Variants in GC observed in about 807,000 individuals in gnomAD.
GC encodes the protein vitamin D-binding protein.
A neutral mutation model predicts 56.7 loss-of-function variants in GC; 43 were observed. The observed-to-expected ratio is 0.76, with a 90% CI of 0.59 to 0.98. The LOEUF is 0.98. Ranked by LOEUF, GC falls within the 50% of genes least tolerant of loss-of-function variation. The pLI is 0.00. For synonymous variants in GC, 216 were observed against 202.7 expected (o/e 1.07, Z -0.56); for missense variants, 529 against 545.9 (o/e 0.97, Z 0.31).
intron 6 of GC, among the ~76,000 whole-genome samples, chr4:71,762,795 C>T (rs1227481780): frequency 6.6e-6 from 1 of 152,182 alleles, no homozygotes; most frequent in Non-Finnish European, 1.5e-5. Flanking sequence ...TGACTTGCTC[C>T]TCCTTGCCTT....
chr4:71,748,870 A>G (rs139694802), intron 11 of GC, among the ~76,000 whole-genome samples: 3 of 152,264 alleles, frequency 2.0e-5, no homozygotes, highest in East Asian at 3.9e-4. Flanking sequence ...ATCCCTGGAT[A>G]TAAGTGACTT....
At chr4:71,786,438 A>G (rs113668100), upstream of GC, among the ~76,000 whole-genome samples, 26 of 151,954 alleles carry the variant, frequency 1.7e-4, 2 homozygotes, top group African/African-American at 6.3e-4. Flanking sequence ...CATTGTCTAT[A>G]ATAGCAGCAG....
rs189314296 is a variant in GC at position 71,802,749 on chromosome 4, C to T, written c.21+1177G>A. Among the ~76,000 whole-genome samples, 7 of 152,280 alleles carry T rather than the reference C, an allele frequency of 4.6e-5. No homozygotes were observed. In the East Asian group the frequency reaches 1.4e-3, roughly 29 times the overall value. ...TGATTGGATAGCTGTCAAATTGCTA[C>T]CTCATTCAGTGAAACAATCATCTGA... On this transcript the variant is annotated intron_variant, in intron 1 of 13. Transcript: ENST00000504199.
chr4:71,758,234 G>T, intron 6 of GC, 63 bp from the exon 7 acceptor site: 1 of 1,420,206 alleles, frequency 7.0e-7, no homozygotes, highest in Non-Finnish European at 9.8e-7. Context: ...GTTTCGTGAT[G>T]AACGCACTAT....
chr4:71,765,750 T>C, intron 3 of GC, 107 bp from the exon 4 acceptor site: 2 of 695,168 alleles, frequency 2.9e-6, no homozygotes, highest in East Asian at 5.4e-5. Flanking sequence ...TTCTCATTTA[T>C]AACTATGTAT....
intron 4 of GC, among the ~76,000 whole-genome samples, chr4:71,764,157 T>A (rs112122968): frequency 3.8e-4 from 58 of 152,228 alleles, no homozygotes; most frequent in African/African-American, 1.3e-3. Context: ...AATTTTTTAA[T>A]TTCTTGTATA....
rs1442052862 is a variant in GC at position 71,802,059 on chromosome 4, G to A, written c.21+1867C>T. Reference sequence around the variant, plus strand: ...GTTTGAAGTTATTGACTTTACTATAGCCTTTAAAACCCCATTATTTCTTGC... The same window carrying A: ...GTTTGAAGTTATTGACTTTACTATAACCTTTAAAACCCCATTATTTCTTGC... On this transcript the variant is annotated intron_variant, in intron 1 of 13. Transcript: ENST00000504199. Among the ~76,000 whole-genome samples the A allele has an allele frequency of 3.9e-5, 6 of 151,932 alleles. No homozygotes were observed. The East Asian group carries it at 1.2e-3, about 29-fold the overall frequency.
At chr4:71,753,445 C>T (rs1366487572) in intron 10 of GC, among the ~76,000 whole-genome samples, 4 of 142,942 alleles carry the variant, frequency 2.8e-5, no homozygotes, top group African/African-American at 8.0e-5. Context: ...TTTGAGCTGC[C>T]GGGGGGTGCA....
At chr4:71,781,748 AT>A (rs968829258) in intron 1 of GC, among the ~76,000 whole-genome samples, 4 of 151,768 alleles carry the variant, frequency 2.6e-5, no homozygotes, top group African/African-American at 4.8e-5. Context: ...AAAAGTGGAC[AT>A]TTTCTTATGG....
At chr4:71,742,624 C>T (rs1426440220) in intron 12 of GC, among the ~76,000 whole-genome samples, 1 of 152,158 alleles carries the variant, frequency 6.6e-6, no homozygotes, top group Non-Finnish European at 1.5e-5. Flanking sequence ...CCCAGAGGGA[C>T]TACTACTTGC....
intron 8 of GC, 53 bp from the exon 9 acceptor site, chr4:71,755,160 T>TTATTTATTTATTTATC: frequency 2.9e-6 from 2 of 682,032 alleles, no homozygotes; most frequent in Non-Finnish European, 4.0e-6. Context: ...ATTTATTTAT[T>TTATTTATTTATTTATC]TATTTATTTA....
At chr4:71,776,433 A>G (rs1010080533) in intron 1 of GC, among the ~76,000 whole-genome samples, 1 of 151,884 alleles carries the variant, frequency 6.6e-6, no homozygotes, top group African/African-American at 2.4e-5. Flanking sequence ...GCATTATATC[A>G]TATATGGAAT....
chr4:71,758,032 C>T lies in GC; in HGVS notation c.831+10G>A. 27 of 1,610,972 alleles carry T rather than the reference C, an allele frequency of 1.7e-5. No individual in the cohort carries two copies. Among genetic ancestry groups the T allele is most frequent in the Non-Finnish European group, 2.3e-5 (27 of 1,178,172 alleles). On this transcript the variant is annotated intron_variant, in intron 7 of 12. Transcript: ENST00000273951. Reference sequence around the variant, plus strand: ...GCACATGGTGATAATGATAATAAAGCTTGTCTTACCTCTTTGGCCATGCAA... The same window carrying T: ...GCACATGGTGATAATGATAATAAAGTTTGTCTTACCTCTTTGGCCATGCAA...
chr4:71,786,345 T>C (rs546975558), upstream of GC, among the ~76,000 whole-genome samples: 1 of 151,874 alleles, frequency 6.6e-6, no homozygotes, highest in South Asian at 2.1e-4. Flanking sequence ...TTGGCCTAAA[T>C]GAGAGGCCTC....
chr4:71,781,096 G>A (rs1490536053), intron 1 of GC, among the ~76,000 whole-genome samples: 1 of 152,100 alleles, frequency 6.6e-6, no homozygotes, highest in African/African-American at 2.4e-5. Context: ...GGACATGGGT[G>A]AAGCTGGAAA....
intron 9 of GC, 45 bp from the exon 10 acceptor site, chr4:71,754,553 A>T: frequency 1.0e-6 from 1 of 996,862 alleles, no homozygotes; most frequent in African/African-American, 1.6e-5. Flanking sequence ...TTGTCTTGAA[A>T]CCTTGTCCCA....
chr4:71,756,864 A>G lies in GC; in HGVS notation c.882T>C (p.Ser294=), dbSNP rs754413320. ...KLCDNLSTKN[S]KFEDCCQEKT... is the part of the protein sequence containing the mutation. Reference sequence around the variant, plus strand: ...TTTCTTGACAACAGTCTTCAAACTTAGAATTCTTTGTGGATAAATTGTCAC... The same window carrying G: ...TTTCTTGACAACAGTCTTCAAACTTGGAATTCTTTGTGGATAAATTGTCAC... The change falls in exon 8 of 13, where the codon TCT becomes TCC. Residue 294 remains serine (S), a synonymous_variant. Coordinates refer to ENST00000273951, the MANE Select transcript of GC (RefSeq NM_000583.4). The G allele has an allele frequency of 3.1e-6, 5 of 1,613,724 alleles. No individual in the cohort carries two copies. Among genetic ancestry groups the G allele is most frequent in the Admixed American group, 1.7e-5 (1 of 59,982 alleles).
Position 71,763,592 on chromosome 4 carries a change from T to A in GC, c.607-90A>T. On this transcript the variant is annotated intron_variant, in intron 5 of 12. Coordinates refer to ENST00000273951, the MANE Select transcript of GC (RefSeq NM_000583.4). ...AAAATAGGGACTATTAATTTCATGATTTTTTAATGAATAGGAAACTGAACA... is the reference window on the plus strand; with the variant it reads ...AAAATAGGGACTATTAATTTCATGAATTTTTAATGAATAGGAAACTGAACA... 3.7e-6 allele frequency: 3 copies of A among 803,836 alleles called. No individual in the cohort carries two copies. The East Asian group carries it at 7.5e-5, about 20-fold the overall frequency. 49.8% of individuals were successfully genotyped at this position (803,836 alleles called of 1,614,324 possible).
At chr4:71,768,969 T>A (rs1382659879) in intron 2 of GC, among the ~76,000 whole-genome samples, 1 of 152,244 alleles carries the variant, frequency 6.6e-6, no homozygotes, top group Non-Finnish European at 1.5e-5. Flanking sequence ...CAATCTGGTG[T>A]TGTCCTTCTT....
Sources: allele counts gnomAD v4.1 joint callset (sites outside exome capture counted in the v4.1 genomes callset), GRCh38; gene constraint gnomAD v4.1.1; transcripts MANE v1.5; gene names NCBI Gene and HGNC (gene_info 2026-07-23, HGNC 2026-07-21).